The following NECAB1 variants were observed in gnomAD, a reference collection of about 807,000 sequenced individuals.
The protein encoded by NECAB1 is N-terminal EF-hand calcium binding protein 1.
In NECAB1, 29 loss-of-function variants were observed where a neutral mutation model predicts 57.5. The observed-to-expected ratio is 0.50, with a 90% CI of 0.38 to 0.69. The LOEUF is 0.69. Among genes scored for constraint, NECAB1 ranks in the 30% least tolerant of loss-of-function variants. The pLI is 0.00. For synonymous variants in NECAB1, 142 were observed against 147.7 expected (o/e 0.96, Z 0.28); for missense variants, 372 against 413.8 (o/e 0.90, Z 0.88).
intron 8 of NECAB1, among the ~76,000 whole-genome samples, chr8:90,931,426 T>C (rs1162272073): frequency 1.3e-5 from 2 of 152,252 alleles, no homozygotes; most frequent in Non-Finnish European, 2.9e-5. Flanking sequence ...CTGCATTAAG[T>C]ATTTAAGATA....
chr8:90,897,933 A>C (rs1262772720), intron 5 of NECAB1, among the ~76,000 whole-genome samples: 1 of 152,224 alleles, frequency 6.6e-6, no homozygotes, highest in Non-Finnish European at 1.5e-5. Context: ...GAGAGTAATC[A>C]TTTGATTTAA....
chr8:90,886,453 G>A (rs534166949), intron 5 of NECAB1, among the ~76,000 whole-genome samples: 5 of 152,164 alleles, frequency 3.3e-5, no homozygotes, highest in Admixed American at 1.3e-4. Context: ...TTATTAACAC[G>A]TTATCTTAAT....
intron 5 of NECAB1, among the ~76,000 whole-genome samples, chr8:90,895,866 A>C (rs1211382065): frequency 6.6e-6 from 1 of 152,222 alleles, no homozygotes; most frequent in East Asian, 1.9e-4. Flanking sequence ...TCCTTCCTTT[A>C]ATTGTAACTT....
chr8:90,807,868 A>T (rs551389710), intron 2 of NECAB1, among the ~76,000 whole-genome samples: 4 of 152,290 alleles, frequency 2.6e-5, no homozygotes, highest in African/African-American at 7.2e-5. Context: ...TGATTCATTT[A>T]AAAAAAGTGC....
At chr8:90,923,410 CTTT>C (rs1810176251) in intron 6 of NECAB1, among the ~76,000 whole-genome samples, 1 of 152,180 alleles carries the variant, frequency 6.6e-6, no homozygotes, top group South Asian at 2.1e-4. Flanking sequence ...GGGCGTGCTT[CTTT>C]GAGGGATCTG....
intron 3 of NECAB1, among the ~76,000 whole-genome samples, chr8:90,837,509 T>C (rs544352105): frequency 9.2e-5 from 14 of 152,350 alleles, no homozygotes; most frequent in Non-Finnish European, 2.1e-4. Flanking sequence ...TTTCTAGGAT[T>C]TTCCATTTAA....
At chr8:90,813,745 T>C (rs1001989685) in intron 2 of NECAB1, among the ~76,000 whole-genome samples, 1 of 152,098 alleles carries the variant, frequency 6.6e-6, no homozygotes, top group African/African-American at 2.4e-5. Context: ...CCCAGGCTGG[T>C]CTCAAACTCC....
At chr8:90,941,679 A>ATT (rs1810673884) in intron 10 of NECAB1, among the ~76,000 whole-genome samples, 1 of 152,130 alleles carries the variant, frequency 6.6e-6, no homozygotes, top group African/African-American at 2.4e-5. Context: ...CACTACTATT[A>ATT]TTTGTTCTCC....
chr8:90,799,193 T>C (rs1811720302), intron 1 of NECAB1, among the ~76,000 whole-genome samples: 1 of 152,164 alleles, frequency 6.6e-6, no homozygotes, highest in Admixed American at 6.6e-5. Context: ...ATTCTGTATA[T>C]TAGTAATATG....
intron 6 of NECAB1, among the ~76,000 whole-genome samples, chr8:90,922,607 G>A (rs574580056): frequency 1.0e-4 from 15 of 146,116 alleles, no homozygotes; most frequent in Admixed American, 2.1e-4. Context: ...ATTCTCCTGC[G>A]TCAGACTCCC....
chr8:90,847,341 G>A (rs1165942611), intron 3 of NECAB1, among the ~76,000 whole-genome samples: 1 of 152,224 alleles, frequency 6.6e-6, no homozygotes, highest in African/African-American at 2.4e-5. Context: ...GTTTCCCATG[G>A]TCTTGGGCAG....
intron 2 of NECAB1, among the ~76,000 whole-genome samples, chr8:90,822,980 T>C (rs1812168248): frequency 6.6e-6 from 1 of 151,792 alleles, no homozygotes; most frequent in African/African-American, 2.4e-5. Context: ...AGCAAGGAGA[T>C]ACACAGTAGA....
At chr8:90,890,091 C>T (rs1809121813) in intron 5 of NECAB1, among the ~76,000 whole-genome samples, 1 of 152,046 alleles carries the variant, frequency 6.6e-6, no homozygotes, top group African/African-American at 2.4e-5. Context: ...CATGCCTATC[C>T]CTTATATTAG....
In NECAB1 at chr8:90,791,780, G is replaced by A. The variant is rs1289699536; in HGVS notation, c.-107G>A. ...CGCGCGCGGGAGCGAACACCCTCCC[G>A]GATCCAGAGCCCGGCGGCGGCGAAG... On this transcript the variant is annotated 5_prime_UTR_variant, in exon 1 of 13. Coordinates refer to ENST00000417640, the MANE Select transcript of NECAB1 (RefSeq NM_022351.5). The A allele has an allele frequency of 1.3e-5, 11 of 850,702 alleles. No individual in the cohort carries two copies. Among genetic ancestry groups the A allele is most frequent in the Admixed American group, 4.6e-5 (2 of 43,150 alleles). The allele number at this position is 850,702 out of a possible 1,614,324, so 52.7% of individuals were successfully genotyped here. A position where few individuals can be genotyped will look rare whatever the true frequency, so the allele number is the denominator to read the frequency against.
chr8:90,897,756 T>C (rs1022593944), intron 5 of NECAB1, among the ~76,000 whole-genome samples: 3 of 152,194 alleles, frequency 2.0e-5, no homozygotes, highest in Non-Finnish European at 4.4e-5. Flanking sequence ...AATGAACTTA[T>C]TAACGTTTCA....
intron 9 of NECAB1, among the ~76,000 whole-genome samples, chr8:90,939,877 C>T (rs1436439288): frequency 6.6e-6 from 1 of 152,210 alleles, no homozygotes. Context: ...TTCTCTCATG[C>T]TACATAGCTG....
Position 90,948,424 on chromosome 8 carries a change from G to GA in NECAB1, c.861-1373dup, listed in dbSNP as rs200182416. Among the ~76,000 whole-genome samples the GA allele has an allele frequency of 7.3e-3, 1,089 of 149,096 alleles. 12 individuals carry two copies. The highest frequency in any genetic ancestry group is 0.025 in the African/African-American group (1,002 of 40,744). On this transcript the variant is annotated intron_variant, in intron 10 of 12. Transcript: ENST00000417640. ...TGAAAAGAACACAAGCAGAACTAAA[G>GA]AAAAAAAAAATTAAAATCTCTGTGT...
intron 8 of NECAB1, among the ~76,000 whole-genome samples, chr8:90,931,711 C>G (rs1404647126): frequency 6.6e-6 from 1 of 152,024 alleles, no homozygotes; most frequent in Non-Finnish European, 1.5e-5. Context: ...CGAGACCAGC[C>G]TGGCCAACAT....
intron 12 of NECAB1, among the ~76,000 whole-genome samples, chr8:90,953,540 G>C (rs1184739892): frequency 1.3e-5 from 2 of 152,194 alleles, no homozygotes; most frequent in African/African-American, 2.4e-5. Flanking sequence ...CGTAGAACAA[G>C]AGGAAAAGTT....
Sources: gnomAD v4.1 joint callset for allele counts (sites outside exome capture counted in the v4.1 genomes callset) on GRCh38, gnomAD v4.1.1 for gene constraint, MANE v1.5 for transcripts, NCBI Gene and HGNC (gene_info 2026-07-23, HGNC 2026-07-21) for gene names.